The following PLCE1 variants were observed in gnomAD, a reference collection of about 807,000 sequenced individuals.
PLCE1 encodes 1-phosphatidylinositol 4,5-bisphosphate phosphodiesterase epsilon-1.
A neutral mutation model predicts 242.8 loss-of-function variants in PLCE1; 119 were observed. The observed-to-expected ratio is 0.49, with a 90% CI of 0.42 to 0.57. The LOEUF (loss-of-function observed/expected upper bound fraction) is 0.57. Among genes scored for constraint, PLCE1 ranks in the 20% least tolerant of loss-of-function variants. The pLI, the probability that PLCE1 is intolerant of heterozygous loss-of-function variation, is 0.00. For missense variants in PLCE1, 2,441 were observed against 2,788.8 expected (o/e 0.88, Z 2.81); for synonymous variants, 945 against 1,017.4 (o/e 0.93, Z 1.35).
intron 2 of PLCE1, among the ~76,000 whole-genome samples, chr10:94,122,816 A>T (rs2046336401): frequency 6.6e-6 from 1 of 152,204 alleles, no homozygotes; most frequent in Non-Finnish European, 1.5e-5. Flanking sequence ...TAAAACACAG[A>T]TTATTGGGTC....
chr10:94,192,869 G>A (rs1325000578), intron 4 of PLCE1, among the ~76,000 whole-genome samples: 2 of 151,274 alleles, frequency 1.3e-5, no homozygotes, highest in Non-Finnish European at 2.9e-5. Flanking sequence ...ATCAGTCTAC[G>A]GCCATCCCAT....
chr10:94,098,719 C>T (rs1420923792), intron 2 of PLCE1, among the ~76,000 whole-genome samples: 1 of 152,160 alleles, frequency 6.6e-6, no homozygotes, highest in Non-Finnish European at 1.5e-5. Flanking sequence ...GGCTATGGAC[C>T]TGTACGACAT....
intron 3 of PLCE1, among the ~76,000 whole-genome samples, chr10:94,149,444 C>A (rs760511332): frequency 6.6e-6 from 1 of 152,158 alleles, no homozygotes; most frequent in Non-Finnish European, 1.5e-5. Flanking sequence ...TAATAACTGC[C>A]TTTTATTGAA....
At chr10:94,117,781 GA>G (rs1178875588) in intron 2 of PLCE1, among the ~76,000 whole-genome samples, 3 of 152,142 alleles carry the variant, frequency 2.0e-5, no homozygotes, top group Non-Finnish European at 4.4e-5. Context: ...TGAGCTCTTA[GA>G]AAATAATGAA....
In PLCE1 at chr10:94,259,072, C is replaced by T. The variant is rs267606955; in HGVS notation, c.3736C>T (p.Arg1246Ter). ...TGATGTCTATGCAGTGCCCTGCAAC[C>T]GATCTGGCTCCGAGTCAGCCCCACT... ...LFDVYAVPCN[R>*]SGSESAPLYT... Residue 1246 changes from arginine (R) to a stop codon, truncating the protein, a stop_gained, in exon 13 of 33, where the codon CGA (arginine) becomes TGA (stop). Transcript: ENST00000371380. LOFTEE classifies it high-confidence loss of function. The T allele has an allele frequency of 6.2e-6, 10 of 1,613,872 alleles. No homozygotes were observed. The Admixed American group carries it at 1.0e-4, about 16-fold the overall frequency.
At chr10:94,034,200 A>G (rs1368805087) in intron 2 of PLCE1, among the ~76,000 whole-genome samples, 2 of 152,182 alleles carry the variant, frequency 1.3e-5, no homozygotes, top group East Asian at 1.9e-4. Flanking sequence ...TGATTCAATT[A>G]TCTCCACCTG....
In PLCE1 at chr10:94,254,183, T is replaced by G; in HGVS notation, c.3280-7T>G. 6.3e-7 allele frequency: 1 copy of G among 1,599,344 alleles called. No individual in the cohort carries two copies. Among genetic ancestry groups the G allele is most frequent in the Non-Finnish European group, 8.6e-7 (1 of 1,166,572 alleles). ...GCTTGGAACCATCGTGAGCTTTGTG[T>G]TCCCAGGGTGAGAGTGGAGAGGTAA... On this transcript the variant is annotated splice_polypyrimidine_tract_variant and splice_region_variant and intron_variant, in intron 9 of 32. Transcript: ENST00000371380.
intron 2 of PLCE1, among the ~76,000 whole-genome samples, chr10:94,127,596 G>T (rs1420064557): frequency 3.3e-5 from 5 of 152,276 alleles, no homozygotes; most frequent in African/African-American, 1.2e-4. Flanking sequence ...TGTCAGTGAA[G>T]GAAATAATTC....
chr10:94,301,960 CAG>C (rs1049589328), intron 24 of PLCE1, among the ~76,000 whole-genome samples: 1 of 152,084 alleles, frequency 6.6e-6, no homozygotes, highest in African/African-American at 2.4e-5. Context: ...CTACATAATG[CAG>C]AGTATTTTAA....
At position 94,309,027 on chromosome 10, in the gene PLCE1, A is replaced by C. The variant is rs571421403; in HGVS notation, c.6003+328A>C. ...TCCAGTAACAAAGCCCATATATTAC[A>C]GTGTCTATCAGGGAAGTAAGCCAAA... On this transcript the variant is annotated intron_variant, in intron 27 of 32. Transcript: ENST00000371380. Among the ~76,000 whole-genome samples the C allele has an allele frequency of 1.0e-3, 155 of 152,372 alleles. 1 individual carries two copies. Among genetic ancestry groups the C allele is most frequent in the Non-Finnish European group, 1.7e-3 (114 of 68,040 alleles).
intron 2 of PLCE1, among the ~76,000 whole-genome samples, chr10:94,129,777 C>CA (rs1301525155): frequency 6.6e-6 from 1 of 151,970 alleles, no homozygotes; most frequent in African/African-American, 2.4e-5. Flanking sequence ...ACAAAACAAA[C>CA]AAAAAACAAA....
At chr10:94,036,273 A>G (rs1207331284) in intron 2 of PLCE1, among the ~76,000 whole-genome samples, 1 of 152,158 alleles carries the variant, frequency 6.6e-6, no homozygotes, top group Non-Finnish European at 1.5e-5. Flanking sequence ...ACACATTTCC[A>G]CCACCTTCTG....
At position 94,031,427 on chromosome 10, in the gene PLCE1, C is replaced by A; in HGVS notation, c.381C>A (p.Asn127Lys). 6.2e-7 allele frequency: 1 copy of A among 1,613,724 alleles called. No homozygotes were observed. Among genetic ancestry groups the A allele is most frequent in the Non-Finnish European group, 8.5e-7 (1 of 1,179,790 alleles). ...LPQRQFYEMY[N>K]SVAEEDLCLE... ...AGAGACAATTTTATGAAATGTACAA[C>A]TCTGTTGCTGAGGAAGACTTGTGTT... is the stretch of plus-strand genomic sequence containing the variant. The change falls in exon 2 of 33, where the codon AAC becomes AAA. Residue 127 changes from asparagine to lysine, a missense_variant. By Grantham distance (94) the Asn-to-Lys change is moderately conservative (BLOSUM62 0). Coordinates refer to ENST00000371380, the MANE Select transcript of PLCE1 (RefSeq NM_016341.4).
Position 94,246,097 on chromosome 10 carries a change from C to T in PLCE1, c.2572C>T (p.His858Tyr). 1 of 1,614,164 alleles carries T rather than the reference C, an allele frequency of 6.2e-7. No homozygotes were observed. The change falls in exon 8 of 33, where the codon CAC becomes TAC. Residue 858 changes from histidine to tyrosine, a missense_variant. His to Tyr is a moderately conservative substitution (Grantham distance 83, BLOSUM62 2). This residue lies in a region of PLCE1 where 733 missense variants were observed against 754.2 expected (regional missense o/e 0.97). Transcript: ENST00000371380. ...CGTGCTGTCCATCCAAGCCGATGTG[C>T]ACCAGTTCCTGCTGCAGGGGGCCAC... is the stretch of plus-strand genomic sequence containing the variant. The part of the protein sequence containing the change: ...WYVLSIQADV[H>Y]QFLLQGATVI...
intron 1 of PLCE1, among the ~76,000 whole-genome samples, chr10:94,028,780 C>G (rs572795884): frequency 3.9e-5 from 6 of 152,148 alleles, no homozygotes; most frequent in Middle Eastern, 3.4e-3. Flanking sequence ...GAATCCCTGT[C>G]TTTACAAAAA....
At position 94,331,451 on chromosome 10, in the gene PLCE1, T is replaced by C. The variant is rs2054154963; in HGVS notation, c.*3508T>C. 1 of 152,224 alleles carries C rather than the reference T, an allele frequency of 6.6e-6. No homozygotes were observed. The highest frequency in any genetic ancestry group is 1.9e-4 in the East Asian group (1 of 5,198). The allele number at this position is 152,224 out of a possible 1,614,324, so 9.4% of individuals were successfully genotyped here. A position where few individuals can be genotyped will look rare whatever the true frequency, so the allele number is the denominator to read the frequency against. On this transcript the variant is annotated 3_prime_UTR_variant, in exon 33 of 33. Transcript: ENST00000371380. ...GGGCTTGCTTACTGGCCCAATAAAATTGAATTAACTCTAAAACACAAAACT... is the reference window on the plus strand; with the variant it reads ...GGGCTTGCTTACTGGCCCAATAAAACTGAATTAACTCTAAAACACAAAACT...
In PLCE1 at chr10:93,998,016, G is replaced by A. The variant is rs147175317; in HGVS notation, c.-365+3758G>A. On this transcript the variant is annotated intron_variant, in intron 1 of 32. Transcript: ENST00000371380. Reference sequence around the variant, plus strand: ...TGTTACAGGCGAGGGCCATTTGGTGGACTACCAGGATTGTAAGCCCTCCTG... The same window carrying A: ...TGTTACAGGCGAGGGCCATTTGGTGAACTACCAGGATTGTAAGCCCTCCTG... Among the ~76,000 whole-genome samples, 1,110 of 152,334 alleles carry A rather than the reference G, an allele frequency of 7.3e-3. 10 individuals are homozygous for A. Among genetic ancestry groups the A allele is most frequent in the African/African-American group, 0.025 (1,055 of 41,560 alleles).
At chr10:94,086,700 G>A (rs2044838672) in intron 2 of PLCE1, among the ~76,000 whole-genome samples, 1 of 152,194 alleles carries the variant, frequency 6.6e-6, no homozygotes, top group Non-Finnish European at 1.5e-5. Flanking sequence ...AATCCAAGAG[G>A]TGTCTCAGGA....
chr10:94,025,994 A>G (rs984492347), intron 1 of PLCE1, among the ~76,000 whole-genome samples: 5 of 152,228 alleles, frequency 3.3e-5, no homozygotes, highest in African/African-American at 9.6e-5. Flanking sequence ...AGCTACAGAC[A>G]TGACATAAAT....
Sources: gnomAD v4.1 joint callset for allele counts (sites outside exome capture counted in the v4.1 genomes callset) on GRCh38, gnomAD v4.1.1 for gene constraint, gnomAD v4.1.1 regional missense constraint, MANE v1.5 for transcripts, NCBI Gene and HGNC (gene_info 2026-07-23, HGNC 2026-07-21) for gene names.